Variants in PCDHGA3 observed in about 807,000 individuals in gnomAD.
PCDHGA3 encodes the protein protocadherin gamma-A3.
A neutral mutation model predicts 58.5 loss-of-function variants in PCDHGA3; 40 were observed. That is an observed-to-expected ratio of 0.68 (90% CI 0.53 to 0.89). The LOEUF (loss-of-function observed/expected upper bound fraction) is 0.89, where lower values mean the gene tolerates loss of function less well. PCDHGA3 is among the 40% of genes least tolerant of loss of function. The pLI, the probability that PCDHGA3 is intolerant of heterozygous loss-of-function variation, is 0.00. For missense variants in PCDHGA3, 1,223 were observed against 1,195.9 expected (o/e 1.02, Z -0.33); for synonymous variants, 530 against 525.7 (o/e 1.01, Z -0.11).
At position 141,422,526 on chromosome 5, in the gene PCDHGA3, G is replaced by A. The variant is rs956066609; in HGVS notation, c.2425-72281G>A. 9 of 1,613,866 alleles carry A rather than the reference G, an allele frequency of 5.6e-6. No homozygotes were observed. In the African/African-American group the frequency reaches 1.1e-4, roughly 19 times the overall value. The stretch of plus-strand genomic sequence containing the variant: ...CCACAGACCAGGGAAGCCCGCCTTT[G>A]TCTGCAGAAACTCATGTCTGGCTGA... On this transcript the variant is annotated intron_variant, in intron 1 of 3. Coordinates refer to ENST00000253812, the MANE Select transcript of PCDHGA3 (RefSeq NM_018916.4).
intron 1 of PCDHGA3, among the ~76,000 whole-genome samples, chr5:141,354,023 A>G (rs1041972716): frequency 6.6e-6 from 1 of 152,240 alleles, no homozygotes; most frequent in Non-Finnish European, 1.5e-5. Context: ...AAGTATTCAT[A>G]AGAAAGAAAG....
intron 1 of PCDHGA3, chr5:141,356,942 C>A: frequency 6.2e-7 from 1 of 1,614,230 alleles, no homozygotes; most frequent in Non-Finnish European, 8.5e-7. Flanking sequence ...GCACCCCGCT[C>A]CGCAGATTCC....
At chr5:141,387,628 G>A (rs2091015052) in intron 1 of PCDHGA3, 1 of 577,308 alleles carries the variant, frequency 1.7e-6, no homozygotes, top group Admixed American at 3.5e-5. Context: ...GCTGACTCTG[G>A]GCGCCGCTGT....
intron 1 of PCDHGA3, among the ~76,000 whole-genome samples, chr5:141,481,790 A>C (rs2154579313): frequency 6.6e-6 from 1 of 152,222 alleles, no homozygotes; most frequent in East Asian, 1.9e-4. Flanking sequence ...CGTCTCTACT[A>C]AAAATACAAA....
At chr5:141,474,062 C>A (rs745636246) in intron 1 of PCDHGA3, among the ~76,000 whole-genome samples, 2 of 152,104 alleles carry the variant, frequency 1.3e-5, no homozygotes, top group Non-Finnish European at 2.9e-5. Context: ...AGAGCGAGAT[C>A]CTGCCTCAGA....
intron 1 of PCDHGA3, among the ~76,000 whole-genome samples, chr5:141,381,931 G>A (rs1032910832): frequency 6.3e-5 from 9 of 143,684 alleles, no homozygotes; most frequent in African/African-American, 2.3e-4. Context: ...CCGGGTTCAA[G>A]CGATTTTCCT....
intron 1 of PCDHGA3, chr5:141,420,292 T>C (rs761934978): frequency 2.7e-6 from 4 of 1,485,132 alleles, no homozygotes; most frequent in Middle Eastern, 1.8e-4. Context: ...TTTAAAAATG[T>C]ATTTAATCCT....
At chr5:141,383,719 A>G in intron 1 of PCDHGA3, 1 of 1,613,984 alleles carries the variant, frequency 6.2e-7, no homozygotes, top group Non-Finnish European at 8.5e-7. Flanking sequence ...CGAGGGAGTC[A>G]ATGGGGAAGT....
rs1338955892 is a variant in PCDHGA3, at chr5:141,502,521, T to C, written c.2484-2872T>C. 5.9e-5 allele frequency among the ~76,000 whole-genome samples: 9 copies of C among 152,338 alleles called. No homozygotes were observed. In the East Asian group the frequency reaches 1.7e-3, roughly 29 times the overall value. The stretch of plus-strand genomic sequence containing the variant: ...CGTCGGCCTGTCCCACTATCAGTGA[T>C]GCCGAGTTTGTTCGTGTGGTAAAAA... On this transcript the variant is annotated intron_variant, in intron 2 of 3. Transcript: ENST00000253812.
At chr5:141,433,285 C>G in intron 1 of PCDHGA3, 1 of 1,169,826 alleles carries the variant, frequency 8.5e-7, no homozygotes, top group Non-Finnish European at 1.2e-6. Flanking sequence ...CCTCAAACTC[C>G]TAGGCTCAAG....
intron 1 of PCDHGA3, chr5:141,420,154 T>C (rs2096470856): frequency 2.5e-6 from 4 of 1,613,948 alleles, no homozygotes; most frequent in Non-Finnish European, 2.5e-6. Flanking sequence ...ATCCAGAATT[T>C]AATTTTTTCA....
In PCDHGA3 at chr5:141,344,861, A is replaced by G; in HGVS notation, c.828A>G (p.Gln276=). 6.2e-7 allele frequency: 1 copy of G among 1,613,966 alleles called. No individual in the cohort carries two copies. ...ACCCTGACGAGGGATTCAATGCTCA[A>G]GTGTCTTATATTCTAGATAAAATGC... ...ATDPDEGFNA[Q]VSYILDKMPG... The change falls in exon 1 of 4, where the codon CAA becomes CAG. Residue 276 remains glutamine (Q), a synonymous_variant. Transcript: ENST00000253812.
At chr5:141,388,639 C>T (rs2091432130) in intron 1 of PCDHGA3, 1 of 1,613,944 alleles carries the variant, frequency 6.2e-7, no homozygotes, top group Non-Finnish European at 8.5e-7. Context: ...GTGAGCCTTT[C>T]AGAAAACGTG....
At chr5:141,366,448 C>T (rs758717804) in intron 1 of PCDHGA3, 3 of 1,614,124 alleles carry the variant, frequency 1.9e-6, no homozygotes, top group South Asian at 1.1e-5. Flanking sequence ...TCTTCCTGGC[C>T]TTCGTCATCG....
Position 141,476,374 on chromosome 5 carries a change from G to A in PCDHGA3, c.2425-18433G>A. 1.2e-6 allele frequency: 2 copies of A among 1,614,178 alleles called. No individual in the cohort carries two copies. Among genetic ancestry groups the A allele is most frequent in the Non-Finnish European group, 1.7e-6 (2 of 1,180,044 alleles). On this transcript the variant is annotated intron_variant, in intron 1 of 3. Transcript: ENST00000253812. This position sits in a 1 kb window ranked among gnomAD's most constrained non-coding sequence, Gnocchi z 7.6. ...AGGTGAACCGGGAGACCGGAGAGATGTTTGTGAACGACCGTCTGGATCGAG... is the reference window on the plus strand; with the variant it reads ...AGGTGAACCGGGAGACCGGAGAGATATTTGTGAACGACCGTCTGGATCGAG...
chr5:141,420,277 A>C, intron 1 of PCDHGA3: 1 of 1,518,166 alleles, frequency 6.6e-7, no homozygotes, highest in Non-Finnish European at 8.9e-7. Flanking sequence ...TTAAACAGGT[A>C]AGTATTTAAA....
chr5:141,361,999 C>T, intron 1 of PCDHGA3: 2 of 1,603,024 alleles, frequency 1.2e-6, no homozygotes, highest in East Asian at 2.2e-5. Context: ...CCTGGGGTTG[C>T]GCACGGGTGA....
At chr5:141,357,089 G>A (rs762398968) in intron 1 of PCDHGA3, 9 of 1,613,760 alleles carry the variant, frequency 5.6e-6, no homozygotes, top group Middle Eastern at 1.6e-4. Context: ...CGCACCGCAC[G>A]GGCCCTGCTG....
chr5:141,378,838 G>A (rs1352949775), intron 1 of PCDHGA3: 5 of 152,196 alleles, frequency 3.3e-5, no homozygotes, highest in Non-Finnish European at 1.5e-5. Flanking sequence ...GAAAACAGCA[G>A]AGTTTTTGAC....
Sources: allele counts gnomAD v4.1 joint callset (sites outside exome capture counted in the v4.1 genomes callset), GRCh38; gene constraint gnomAD v4.1.1; non-coding constraint Gnocchi (gnomAD v3.1); transcripts MANE v1.5; gene names NCBI Gene and HGNC (gene_info 2026-07-23, HGNC 2026-07-21).